Variants in KAZN observed in about 807,000 individuals in gnomAD.
KAZN encodes kazrin, periplakin interacting protein.
In KAZN, 40 loss-of-function variants were observed where a neutral mutation model predicts 87.4. That is an observed-to-expected ratio of 0.46 (90% CI 0.36 to 0.60). KAZN has a LOEUF of 0.60. Among genes scored for constraint, KAZN ranks in the 20% least tolerant of loss-of-function variants. The probability of loss-of-function intolerance (pLI) is 0.00; values close to 1 mark genes in which losing one functional copy is unlikely to be tolerated. For missense variants in KAZN, 898 were observed against 1,073.9 expected (o/e 0.84, Z 2.29); for synonymous variants, 466 against 458.3 (o/e 1.02, Z -0.22).
At chr1:14,783,899 G>A (rs931120835) in intron 1 of KAZN, among the ~76,000 whole-genome samples, 5 of 152,144 alleles carry the variant, frequency 3.3e-5, no homozygotes, top group African/African-American at 1.2e-4. Context: ...TAGAGGTTAT[G>A]AGGACCAAAC....
intron 1 of KAZN, among the ~76,000 whole-genome samples, chr1:14,815,933 G>A (rs984937241): frequency 6.6e-6 from 1 of 152,170 alleles, no homozygotes; most frequent in Admixed American, 6.5e-5. Flanking sequence ...CGAGGCAAAT[G>A]AACCCCGAGT....
At chr1:15,029,288 G>A (rs969383010) in intron 2 of KAZN, among the ~76,000 whole-genome samples, 4 of 152,210 alleles carry the variant, frequency 2.6e-5, no homozygotes, top group African/African-American at 4.8e-5. Flanking sequence ...CAGGAACCAC[G>A]TCTGGCTCAC....
intron 1 of KAZN, among the ~76,000 whole-genome samples, chr1:14,073,514 T>C (rs1008839145): frequency 2.0e-5 from 3 of 152,222 alleles, no homozygotes; most frequent in African/African-American, 7.2e-5. Context: ...ACCTGTCATC[T>C]ACATTAGGTA....
intron 1 of KAZN, among the ~76,000 whole-genome samples, chr1:14,607,450 T>C (rs956083032): frequency 1.3e-5 from 2 of 152,234 alleles, no homozygotes; most frequent in African/African-American, 4.8e-5. Context: ...TGGCATCCTT[T>C]TTCCCATTAC....
rs994045711 is a variant in KAZN, at chr1:14,356,252, C to T, written c.249+175660C>T. ...CTTTTGAGAAGTGTCTGTTCATATC[C>T]TTTGCCCACTTTTTGATGGGGTTGT... On this transcript the variant is annotated intron_variant, in intron 2 of 16. Coordinates refer to the KAZN transcript ENST00000636203. Among the ~76,000 whole-genome samples the T allele has an allele frequency of 2.0e-5, 3 of 152,202 alleles. No individual in the cohort carries two copies. In the East Asian group the frequency reaches 5.8e-4, roughly 29 times the overall value.
chr1:14,776,257 G>A (rs1184210887), intron 1 of KAZN, among the ~76,000 whole-genome samples: 1 of 152,220 alleles, frequency 6.6e-6, no homozygotes, highest in Admixed American at 6.5e-5. Context: ...GCCCGCTTCG[G>A]CCTCCCAAAG....
chr1:14,528,252 C>A (rs188851480), intron 2 of KAZN, among the ~76,000 whole-genome samples: 2 of 134,932 alleles, frequency 1.5e-5, no homozygotes, highest in South Asian at 2.5e-4. Context: ...GCAGGAGAAT[C>A]GCTTGAATCT....
intron 2 of KAZN, among the ~76,000 whole-genome samples, chr1:15,016,653 G>A (rs561676104): frequency 3.3e-5 from 5 of 152,248 alleles, no homozygotes; most frequent in African/African-American, 4.8e-5. Flanking sequence ...GGAAACTGAC[G>A]CAAGTGGCTT....
intron 1 of KAZN, among the ~76,000 whole-genome samples, chr1:14,902,422 G>A (rs925803343): frequency 7.2e-5 from 11 of 152,006 alleles, no homozygotes; most frequent in Admixed American, 6.6e-4. Flanking sequence ...TAGAGACGGG[G>A]TTTCACCGTG....
chr1:15,053,548 C>G (rs1203263955), intron 4 of KAZN, among the ~76,000 whole-genome samples: 1 of 152,186 alleles, frequency 6.6e-6, no homozygotes, highest in Non-Finnish European at 1.5e-5. Flanking sequence ...CTCTGGTGAG[C>G]AGACAGAACT....
chr1:14,591,591 G>A (rs1391690339), intron 2 of KAZN, among the ~76,000 whole-genome samples: 1 of 152,192 alleles, frequency 6.6e-6, no homozygotes, highest in Non-Finnish European at 1.5e-5. Flanking sequence ...AGGAGCTTCT[G>A]AATTAGAAGT....
intron 1 of KAZN, among the ~76,000 whole-genome samples, chr1:14,164,454 TTGTGTGTGTGTGTG>T (rs59816103): frequency 4.6e-4 from 66 of 144,642 alleles, no homozygotes; most frequent in Non-Finnish European, 8.8e-4. Flanking sequence ...CACTATGGCT[TTGTGTGTGTGTGTG>T]TGTGTGTGTG....
Position 13,924,564 on chromosome 1 carries a change from C to T in KAZN, c.91+30808C>T, listed in dbSNP as rs866023653. ...AAACCTGCCTCTGATTCTATTCAGT[C>T]ATCCCTGTGCTCACTGAGATAAATG... is the stretch of plus-strand genomic sequence containing the variant. On this transcript the variant is annotated intron_variant, in intron 1 of 16. Coordinates refer to the KAZN transcript ENST00000636203. Among the ~76,000 whole-genome samples the T allele has an allele frequency of 1.3e-4, 20 of 152,342 alleles. No homozygotes were observed. The South Asian group carries it at 1.5e-3, about 11-fold the overall frequency.
chr1:15,013,047 G>A (rs1450135374), intron 2 of KAZN, among the ~76,000 whole-genome samples: 2 of 152,230 alleles, frequency 1.3e-5, no homozygotes, highest in Admixed American at 1.3e-4. Flanking sequence ...CTGACCTTCA[G>A]TTTAGCTAAG....
At chr1:14,538,654 G>A (rs986832290) in intron 2 of KAZN, among the ~76,000 whole-genome samples, 3 of 152,194 alleles carry the variant, frequency 2.0e-5, no homozygotes, top group African/African-American at 4.8e-5. Flanking sequence ...TTGGCAACAC[G>A]TAAATTATGG....
intron 2 of KAZN, among the ~76,000 whole-genome samples, chr1:14,530,621 CCTCT>C (rs141114968): frequency 6.6e-6 from 1 of 150,454 alleles, no homozygotes; most frequent in African/African-American, 2.4e-5. Flanking sequence ...GGCACCTCCT[CCTCT>C]CTCTCTCTCT....
At chr1:15,052,635 T>C (rs767363640) in intron 4 of KAZN, among the ~76,000 whole-genome samples, 3 of 152,208 alleles carry the variant, frequency 2.0e-5, no homozygotes, top group Non-Finnish European at 4.4e-5. Flanking sequence ...TGTGTGTGGA[T>C]ACGTGGGTGT....
intron 2 of KAZN, among the ~76,000 whole-genome samples, chr1:14,560,680 G>A (rs1443085581): frequency 4.6e-5 from 7 of 152,130 alleles, no homozygotes; most frequent in South Asian, 2.1e-4. Context: ...CAAGGAGAGC[G>A]TCCATTAAAT....
At chr1:14,539,458 G>C (rs1049051839) in intron 2 of KAZN, among the ~76,000 whole-genome samples, 1 of 152,154 alleles carries the variant, frequency 6.6e-6, no homozygotes, top group South Asian at 2.1e-4. Context: ...TCTTAGTTTT[G>C]ACAAATGTAC....
Sources: gnomAD v4.1 joint callset for allele counts (sites outside exome capture counted in the v4.1 genomes callset) on GRCh38, gnomAD v4.1.1 for gene constraint, MANE v1.5 for transcripts, NCBI Gene and HGNC (gene_info 2026-07-23, HGNC 2026-07-21) for gene names.